The following AOAH variants were observed in gnomAD, a reference collection of about 807,000 sequenced individuals.
The protein encoded by AOAH is acyloxyacyl hydrolase, also known as acyloxyacyl hydrolase (neutrophil).
AOAH carries 64 observed loss-of-function variants against 92.2 expected under a neutral mutation model. The observed-to-expected ratio is 0.69, with a 90% CI of 0.57 to 0.86. The LOEUF is 0.86. AOAH is among the 40% of genes least tolerant of loss of function. AOAH has a pLI of 0.00. For synonymous variants in AOAH, 263 were observed against 254.5 expected (o/e 1.03, Z -0.32); for missense variants, 656 against 694.6 (o/e 0.94, Z 0.62).
At chr7:36,549,135 C>G (rs1786009844) in intron 14 of AOAH, among the ~76,000 whole-genome samples, 1 of 152,214 alleles carries the variant, frequency 6.6e-6, no homozygotes, top group Non-Finnish European at 1.5e-5. Context: ...TTCTGAATTT[C>G]AAGCCCCAAA....
chr7:36,677,383 T>C (rs1796316995), intron 2 of AOAH, among the ~76,000 whole-genome samples: 1 of 152,160 alleles, frequency 6.6e-6, no homozygotes, highest in Admixed American at 6.5e-5. Context: ...AAAGCCAAAA[T>C]GAGATACAAC....
intron 5 of AOAH, among the ~76,000 whole-genome samples, chr7:36,634,589 T>C (rs974188694): frequency 6.6e-6 from 1 of 151,804 alleles, no homozygotes; most frequent in African/African-American, 2.4e-5. Flanking sequence ...CCCTTCCTTC[T>C]TTAACTCGGT....
chr7:36,584,600 T>G (rs557523691), intron 12 of AOAH, among the ~76,000 whole-genome samples: 1 of 152,220 alleles, frequency 6.6e-6, no homozygotes, highest in East Asian at 1.9e-4. Flanking sequence ...TGGCTAATAT[T>G]TTAATGTTAA....
intron 20 of AOAH, among the ~76,000 whole-genome samples, chr7:36,521,180 T>A (rs1400320145): frequency 6.6e-6 from 1 of 152,046 alleles, no homozygotes; most frequent in African/African-American, 2.4e-5. Context: ...GCTCCTCAGG[T>A]TTGTACCCTT....
chr7:36,669,260 T>G (rs543482668), intron 3 of AOAH, among the ~76,000 whole-genome samples: 1 of 152,174 alleles, frequency 6.6e-6, no homozygotes, highest in Non-Finnish European at 1.5e-5. Flanking sequence ...CTTCTTCATA[T>G]AACTTAATAC....
chr7:36,611,903 G>A (rs1157011381), intron 11 of AOAH, among the ~76,000 whole-genome samples: 3 of 152,162 alleles, frequency 2.0e-5, no homozygotes, highest in African/African-American at 7.2e-5. Flanking sequence ...GCTTGTTCAG[G>A]ATTACGCTGA....
chr7:36,545,184 T>A (rs968749307), intron 15 of AOAH, among the ~76,000 whole-genome samples: 3 of 152,064 alleles, frequency 2.0e-5, no homozygotes, highest in Non-Finnish European at 4.4e-5. Flanking sequence ...CCTGAGTAGC[T>A]GGGGAGAAGA....
intron 12 of AOAH, among the ~76,000 whole-genome samples, chr7:36,578,297 C>T (rs1448813198): frequency 6.6e-6 from 1 of 151,990 alleles, no homozygotes; most frequent in Non-Finnish European, 1.5e-5. Context: ...GATATTTCAA[C>T]AGGAAAAGGC....
intron 12 of AOAH, among the ~76,000 whole-genome samples, chr7:36,592,322 A>G (rs1192058124): frequency 3.3e-5 from 5 of 152,174 alleles, no homozygotes; most frequent in Non-Finnish European, 7.3e-5. Flanking sequence ...GGTAAAGACA[A>G]CAGAGGCTGT....
chr7:36,532,566 G>A (rs552032375), intron 16 of AOAH, among the ~76,000 whole-genome samples: 1 of 152,308 alleles, frequency 6.6e-6, no homozygotes, highest in African/African-American at 2.4e-5. Context: ...GGAACTCACT[G>A]CCATATAGAG....
chr7:36,646,848 AC>A (rs1404383953), intron 4 of AOAH, among the ~76,000 whole-genome samples: 1 of 152,166 alleles, frequency 6.6e-6, no homozygotes, highest in African/African-American at 2.4e-5. Flanking sequence ...CATCAGGCTT[AC>A]CCAGATAATC....
rs145975284 is a variant in AOAH at position 36,636,438 on chromosome 7, C to T, written c.450+1413G>A. ...TGAAGTAAACAATGCCTGGAGAATACGTTTTTAGGGGTGTGTGGAGAAGAA... is the reference window on the plus strand; with the variant it reads ...TGAAGTAAACAATGCCTGGAGAATATGTTTTTAGGGGTGTGTGGAGAAGAA... On this transcript the variant is annotated intron_variant, in intron 5 of 20. Transcript: ENST00000617537. Among the ~76,000 whole-genome samples the T allele has an allele frequency of 3.1e-3, 470 of 152,270 alleles. 2 individuals are homozygous for T. The highest frequency in any genetic ancestry group is 0.01 in the African/African-American group (431 of 41,560).
At chr7:36,670,545 G>A (rs1267354068) in intron 3 of AOAH, among the ~76,000 whole-genome samples, 1 of 152,176 alleles carries the variant, frequency 6.6e-6, no homozygotes, top group East Asian at 1.9e-4. Context: ...CGTCATCTCA[G>A]CTCACTGCAA....
intron 8 of AOAH, among the ~76,000 whole-genome samples, chr7:36,621,259 T>C (rs972672216): frequency 6.6e-6 from 1 of 152,216 alleles, no homozygotes; most frequent in African/African-American, 2.4e-5. Context: ...AGAGATGCAA[T>C]TGAACCTCAG....
chr7:36,644,718 A>G (rs1434277278), intron 4 of AOAH, among the ~76,000 whole-genome samples: 1 of 152,238 alleles, frequency 6.6e-6, no homozygotes, highest in East Asian at 1.9e-4. Context: ...GAGTTTCTAC[A>G]GTGAACAATT....
intron 4 of AOAH, among the ~76,000 whole-genome samples, chr7:36,653,873 A>G (rs10247110): frequency 0.82 from 125,437 of 152,190 alleles, 52,112 homozygotes; most frequent in African/African-American, 0.93. Context: ...TCTCAAGTTC[A>G]GGGACCCAAA....
intron 1 of AOAH, among the ~76,000 whole-genome samples, chr7:36,691,733 A>G (rs574952722): frequency 6.6e-6 from 1 of 152,340 alleles, no homozygotes; most frequent in East Asian, 1.9e-4. Context: ...ACTTCCTCCC[A>G]TGAAGTGATG....
At chr7:36,686,828 C>T (rs376864654) in intron 1 of AOAH, 34 bp from the exon 2 acceptor site, 2 of 1,411,248 alleles carry the variant, frequency 1.4e-6, no homozygotes, top group African/African-American at 1.5e-5. Flanking sequence ...TAATCTGTGT[C>T]ACACAGAAAA....
intron 3 of AOAH, among the ~76,000 whole-genome samples, chr7:36,672,718 A>G (rs970906960): frequency 2.0e-5 from 3 of 152,168 alleles, no homozygotes; most frequent in Non-Finnish European, 4.4e-5. Context: ...GCAAACCACC[A>G]TGGCACATGT....
Sources: allele counts gnomAD v4.1 joint callset (sites outside exome capture counted in the v4.1 genomes callset), GRCh38; gene constraint gnomAD v4.1.1; transcripts MANE v1.5; gene names NCBI Gene and HGNC (gene_info 2026-07-23, HGNC 2026-07-21).